Variants in RASGRP3 observed in about 807,000 individuals in gnomAD.
RASGRP3 encodes RAS guanyl releasing protein 3.
In RASGRP3, 54 loss-of-function variants were observed where a neutral mutation model predicts 82.7. The observed-to-expected ratio is 0.65, with a 90% CI of 0.52 to 0.82. The LOEUF (loss-of-function observed/expected upper bound fraction) is 0.82. RASGRP3 is among the 40% of genes least tolerant of loss of function. The pLI is 0.00. For synonymous variants in RASGRP3, 309 were observed against 300.5 expected (o/e 1.03, Z -0.29); for missense variants, 861 against 828.9 (o/e 1.04, Z -0.48).
At chr2:33,478,235 C>T (rs1667554529) in intron 1 of RASGRP3, among the ~76,000 whole-genome samples, 1 of 152,170 alleles carries the variant, frequency 6.6e-6, no homozygotes, top group African/African-American at 2.4e-5. Flanking sequence ...CCTTCTTTTC[C>T]TTCAAATGTA....
intron 14 of RASGRP3, 115 bp downstream of exon 14, chr2:33,549,866 A>G: frequency 8.1e-7 from 1 of 1,232,680 alleles, no homozygotes. Flanking sequence ...TCAGAAGTAA[A>G]ATGTGATGGC....
At chr2:33,499,968 A>C (rs1669713013) in intron 1 of RASGRP3, among the ~76,000 whole-genome samples, 1 of 152,200 alleles carries the variant, frequency 6.6e-6, no homozygotes, top group African/African-American at 2.4e-5. Context: ...AGTAACATAA[A>C]TTTTACAAAG....
intron 1 of RASGRP3, among the ~76,000 whole-genome samples, chr2:33,507,919 T>C (rs1411079511): frequency 3.3e-5 from 5 of 152,204 alleles, no homozygotes; most frequent in African/African-American, 1.2e-4. Context: ...CAGTTAGTAA[T>C]TGGTTAAAAT....
chr2:33,531,997 C>CTTTA (rs150099314), intron 10 of RASGRP3: 6,427 of 151,488 alleles, frequency 0.042, 184 homozygotes, highest in South Asian at 0.092. Context: ...GGTTTTCTCT[C>CTTTA]TTTATTTATG....
intron 2 of RASGRP3, among the ~76,000 whole-genome samples, chr2:33,449,462 A>G (rs1025700080): frequency 3.9e-5 from 6 of 152,172 alleles, no homozygotes; most frequent in Non-Finnish European, 8.8e-5. Context: ...ATGACATTGG[A>G]ATATTTAATA....
intron 2 of RASGRP3, among the ~76,000 whole-genome samples, chr2:33,451,392 TGCAGAA>T (rs1665794059): frequency 6.6e-6 from 1 of 152,210 alleles, no homozygotes; most frequent in Non-Finnish European, 1.5e-5. Context: ...TTATTTGCTG[TGCAGAA>T]GCATTTTTGT....
chr2:33,517,507 G>T (rs1671583156), intron 4 of RASGRP3, among the ~76,000 whole-genome samples: 1 of 152,202 alleles, frequency 6.6e-6, no homozygotes, highest in Non-Finnish European at 1.5e-5. Context: ...GCCTGCCAAG[G>T]CTTCTGGAGC....
At chr2:33,549,843 T>G in intron 14 of RASGRP3, 92 bp downstream of exon 14, 1 of 1,389,898 alleles carries the variant, frequency 7.2e-7, no homozygotes, top group Non-Finnish European at 9.7e-7. Context: ...TAAAGTTCAC[T>G]GTCTGCTTTG....
At chr2:33,531,552 T>G (rs1169057183) in intron 10 of RASGRP3, among the ~76,000 whole-genome samples, 1 of 152,174 alleles carries the variant, frequency 6.6e-6, no homozygotes, top group Non-Finnish European at 1.5e-5. Flanking sequence ...AAACAAACCT[T>G]AGTCAGACAC....
intron 2 of RASGRP3, among the ~76,000 whole-genome samples, chr2:33,450,814 C>CTTTGTTTTTTTTTTTT (rs1665745631): frequency 3.3e-5 from 1 of 30,658 alleles, no homozygotes; most frequent in Non-Finnish European, 7.9e-5. Flanking sequence ...TTTTCTCTTT[C>CTTTGTTTTTTTTTTTT]TTTCTTTCTT....
intron 2 of RASGRP3, among the ~76,000 whole-genome samples, chr2:33,449,571 C>T (rs1245143791): frequency 6.6e-6 from 1 of 152,082 alleles, no homozygotes; most frequent in Non-Finnish European, 1.5e-5. Context: ...ACCATTGTGG[C>T]CAACATGGTG....
intron 14 of RASGRP3, among the ~76,000 whole-genome samples, chr2:33,554,580 C>A (rs1042814772): frequency 7.2e-5 from 11 of 152,100 alleles, no homozygotes; most frequent in African/African-American, 1.4e-4. Flanking sequence ...TCATGCCATT[C>A]TCCTGCCTCA....
At chr2:33,562,219 G>A (rs1223193172) in intron 17 of RASGRP3, among the ~76,000 whole-genome samples, 1 of 151,372 alleles carries the variant, frequency 6.6e-6, no homozygotes, top group African/African-American at 2.4e-5. Context: ...ACTCCATATT[G>A]GAGTCTTTAA....
intron 14 of RASGRP3, among the ~76,000 whole-genome samples, chr2:33,551,406 G>A (rs1179363924): frequency 6.6e-6 from 1 of 152,164 alleles, no homozygotes; most frequent in Non-Finnish European, 1.5e-5. Context: ...TGTGGGATGG[G>A]GCCGTGCATA....
chr2:33,439,081 C>G (rs1284826584), intron 1 of RASGRP3, among the ~76,000 whole-genome samples: 2 of 152,188 alleles, frequency 1.3e-5, no homozygotes, highest in Non-Finnish European at 1.5e-5. Context: ...ACCTTAAATT[C>G]AGACAATTGG....
intron 1 of RASGRP3, among the ~76,000 whole-genome samples, chr2:33,479,467 G>C (rs1667687090): frequency 6.6e-6 from 1 of 152,114 alleles, no homozygotes; most frequent in Admixed American, 6.6e-5. Context: ...GCTATTATCA[G>C]ACCCATCCCC....
Position 33,563,031 on chromosome 2 carries a change from C to T in RASGRP3, c.*294C>T, listed in dbSNP as rs898781067. 23 of 404,410 alleles carry T rather than the reference C, an allele frequency of 5.7e-5. No homozygotes were observed. The East Asian group carries it at 8.9e-4, about 16-fold the overall frequency. The allele number at this position is 404,410 out of a possible 1,614,324, so 25.1% of individuals were successfully genotyped here. A position where few individuals can be genotyped will look rare whatever the true frequency, so the allele number is the denominator to read the frequency against. On this transcript the variant is annotated 3_prime_UTR_variant, in exon 18 of 18. Coordinates refer to ENST00000403687, the MANE Select transcript of RASGRP3 (RefSeq NM_001139488.2). ...TATCTTTCTCTAGACCATTTATATA[C>T]GGGTGAAATGAAAGCTTTTTTGCAT...
At chr2:33,442,088 TA>T (rs1480895117) in intron 1 of RASGRP3, among the ~76,000 whole-genome samples, 1 of 152,128 alleles carries the variant, frequency 6.6e-6, no homozygotes, top group Non-Finnish European at 1.5e-5. Context: ...CCCATTTGCT[TA>T]AAAAATATAT....
intron 16 of RASGRP3, 41 bp from the exon 17 acceptor site, chr2:33,558,631 C>T (rs1453595812): frequency 6.7e-7 from 1 of 1,495,352 alleles, no homozygotes; most frequent in Non-Finnish European, 9.1e-7. Flanking sequence ...TGCTGTCAAG[C>T]AGTCAGATGT....
Sources: gnomAD v4.1 joint callset for allele counts (sites outside exome capture counted in the v4.1 genomes callset) on GRCh38, gnomAD v4.1.1 for gene constraint, MANE v1.5 for transcripts, NCBI Gene and HGNC (gene_info 2026-07-23, HGNC 2026-07-21) for gene names.